CNGA3: variants seen among roughly 807,000 people sequenced by gnomAD.
The protein encoded by CNGA3 is cyclic nucleotide-gated channel alpha-3.
In CNGA3, 42 loss-of-function variants were observed where a neutral mutation model predicts 46.6. That is an observed-to-expected ratio of 0.90 (90% CI 0.70 to 1.17). The LOEUF is 1.17. Ranked by LOEUF, CNGA3 falls within the 50% of genes most tolerant of loss-of-function variation. The probability of loss-of-function intolerance (pLI) is 0.00; values close to 1 mark genes in which losing one functional copy is unlikely to be tolerated. For synonymous variants in CNGA3, 394 were observed against 369.4 expected, an observed-to-expected ratio of 1.07 and a Z score of -0.76; for missense variants, 893 against 890.7, an observed-to-expected ratio of 1.00 and a Z score of -0.03.
At position 98,397,097 on chromosome 2, in the gene CNGA3, A is replaced by G. The variant is rs1490638619; in HGVS notation, c.1927A>G (p.Arg643Gly). 1 of 1,614,190 alleles carries G rather than the reference A, an allele frequency of 6.2e-7. No individual in the cohort carries two copies. ...LGSSLDTLQT[R>G]FARLLAEYNA... ...GTCCTCCCTGGACACCCTGCAGACCAGGTTTGCACGCCTCCTGGCTGAGTA... is the reference window on the plus strand; with the variant it reads ...GTCCTCCCTGGACACCCTGCAGACCGGGTTTGCACGCCTCCTGGCTGAGTA... Residue 643 changes from arginine (R) to glycine (G), a missense_variant, in exon 8 of 8, where the codon AGG becomes GGG. This residue lies in a region of CNGA3 where 548 missense variants were observed against 570.8 expected (regional missense o/e 0.96). Coordinates refer to ENST00000272602, the MANE Select transcript of CNGA3 (RefSeq NM_001298.3).
intron 5 of CNGA3, among the ~76,000 whole-genome samples, chr2:98,385,612 A>G (rs1692637148): frequency 6.6e-6 from 1 of 152,212 alleles, no homozygotes. Context: ...TGTTAAGAGC[A>G]TCTGTTTCCC....
At chr2:98,383,462 C>G (rs758348274) in intron 5 of CNGA3, 21 bp downstream of exon 5, 9 of 1,614,072 alleles carry the variant, frequency 5.6e-6, no homozygotes, top group Non-Finnish European at 7.6e-6. Context: ...ACACACCCAG[C>G]AGAGCCCTCC....
At chr2:98,381,345 C>T (rs3754898) in intron 4 of CNGA3, among the ~76,000 whole-genome samples, 28,242 of 151,876 alleles carry the variant, frequency 0.19, 3,134 homozygotes, top group Admixed American at 0.29. Flanking sequence ...ACAGACAGTC[C>T]CTATATAATT....
rs1029567339 is a variant in CNGA3, at chr2:98,383,333, C to G, written c.396-55C>G. On this transcript the variant is annotated intron_variant, in intron 4 of 7. Transcript: ENST00000272602. ...CATGGTAATCCCCTGGTGAAATGGC[C>G]CCAAGGAATGGAAACAGAGTTCAGA... 4 of 1,551,826 alleles carry G rather than the reference C, an allele frequency of 2.6e-6. No homozygotes were observed. The African/African-American group carries it at 5.4e-5, about 21-fold the overall frequency.
At chr2:98,393,356 A>G (rs980198241) in intron 7 of CNGA3, among the ~76,000 whole-genome samples, 1 of 152,236 alleles carries the variant, frequency 6.6e-6, no homozygotes, top group African/African-American at 2.4e-5. Context: ...CTTCTTCATT[A>G]GAACCACTGC....
intron 5 of CNGA3, among the ~76,000 whole-genome samples, chr2:98,389,050 G>C (rs552129749): frequency 6.6e-6 from 1 of 152,214 alleles, no homozygotes; most frequent in African/African-American, 2.4e-5. Context: ...CATTCCGTGC[G>C]GGCCCACGTG....
intron 3 of CNGA3, among the ~76,000 whole-genome samples, chr2:98,379,204 C>T (rs913823855): frequency 6.6e-6 from 1 of 152,224 alleles, no homozygotes; most frequent in East Asian, 1.9e-4. Flanking sequence ...CATCTGCCTA[C>T]AGAGATATTT....
intron 1 of CNGA3, among the ~76,000 whole-genome samples, chr2:98,360,200 G>A (rs1245601869): frequency 2.0e-5 from 3 of 152,232 alleles, no homozygotes; most frequent in Admixed American, 6.5e-5. Flanking sequence ...GTAAGAGAGG[G>A]AGGGGGGCTG....
chr2:98,390,990 C>CT (rs1468935465), intron 6 of CNGA3, among the ~76,000 whole-genome samples: 8 of 152,202 alleles, frequency 5.3e-5, no homozygotes, highest in Admixed American at 3.3e-4. Flanking sequence ...CAAGTCCTGC[C>CT]TGTCCTTCTG....
intron 6 of CNGA3, among the ~76,000 whole-genome samples, chr2:98,390,930 G>A (rs990988063): frequency 2.0e-5 from 3 of 152,186 alleles, no homozygotes; most frequent in African/African-American, 4.8e-5. Flanking sequence ...GAGAGGAGAC[G>A]ATGCCTCTGG....
intron 4 of CNGA3, among the ~76,000 whole-genome samples, chr2:98,382,306 A>C (rs1466491799): frequency 2.6e-5 from 4 of 152,218 alleles, no homozygotes; most frequent in Admixed American, 6.5e-5. Context: ...GGTTACGGGC[A>C]CAGAGGCATG....
At chr2:98,383,308 C>T (rs1348282261) in intron 4 of CNGA3, 80 bp from the exon 5 acceptor site, 24 of 1,308,394 alleles carry the variant, frequency 1.8e-5, no homozygotes, top group Non-Finnish European at 4.4e-6. Context: ...GGGGGTGGGG[C>T]ATGGTAATCC....
intron 7 of CNGA3, among the ~76,000 whole-genome samples, chr2:98,392,386 C>A (rs1372025212): frequency 6.6e-6 from 1 of 151,936 alleles, no homozygotes; most frequent in Non-Finnish European, 1.5e-5. Flanking sequence ...ATGGTGAAAC[C>A]CCATCTCTAC....
At chr2:98,353,084 C>G (rs1017905847) in intron 1 of CNGA3, among the ~76,000 whole-genome samples, 1 of 152,158 alleles carries the variant, frequency 6.6e-6, no homozygotes, top group African/African-American at 2.4e-5. Flanking sequence ...GTATTACAGG[C>G]TGTATTCTTA....
At chr2:98,346,655 T>C (rs890603349) in intron 1 of CNGA3, 121 bp downstream of exon 1, 1 of 391,726 alleles carries the variant, frequency 2.6e-6, no homozygotes, top group Non-Finnish European at 4.5e-6. Flanking sequence ...GGGATGCTGC[T>C]GCTTCCAGGG....
chr2:98,378,621 T>C (rs1692467822), intron 3 of CNGA3, among the ~76,000 whole-genome samples: 1 of 152,248 alleles, frequency 6.6e-6, no homozygotes, highest in South Asian at 2.1e-4. Context: ...ATTTAACTAG[T>C]CCATTGTAGC....
chr2:98,396,054 C>A lies in CNGA3; in HGVS notation c.884C>A (p.Thr295Asn), dbSNP rs777433824. ...FEFFDRTETR[T>N]NYPNMFRIGN... is the part of the protein sequence containing the mutation. The stretch of plus-strand genomic sequence containing the variant: ...TTCTTTGACCGCACAGAGACAAGGA[C>A]CAACTACCCCAATATGTTCAGGATT... Residue 295 changes from threonine to asparagine, a missense_variant, in exon 8 of 8, where the codon ACC becomes AAC. Transcript: ENST00000272602. 2 of 1,614,066 alleles carry A rather than the reference C, an allele frequency of 1.2e-6. No individual in the cohort carries two copies. Among genetic ancestry groups the A allele is most frequent in the Non-Finnish European group, 1.7e-6 (2 of 1,180,034 alleles).
rs113270427 is a variant in CNGA3 at position 98,398,287 on chromosome 2, C to T, written c.*1032C>T. ...TGCAGAAATTAGCTTTTTTAAAAAA[C>T]AAACCCCAGTAAATATAATTTCATT... On this transcript the variant is annotated 3_prime_UTR_variant, in exon 8 of 8. Transcript: ENST00000272602. The T allele has an allele frequency of 6.6e-6, 1 of 152,162 alleles. No homozygotes were observed. The highest frequency in any genetic ancestry group is 2.4e-5 in the African/African-American group (1 of 41,440). 9.4% of individuals were successfully genotyped at this position (152,162 alleles called of 1,614,324 possible). A position where few individuals can be genotyped will look rare whatever the true frequency, so the allele number is the denominator to read the frequency against.
chr2:98,393,384 G>A (rs1692837323), intron 7 of CNGA3, among the ~76,000 whole-genome samples: 1 of 152,208 alleles, frequency 6.6e-6, no homozygotes, highest in Admixed American at 6.5e-5. Flanking sequence ...AAGAAGCTCA[G>A]GTGTGATTAC....
Sources: allele counts gnomAD v4.1 joint callset (sites outside exome capture counted in the v4.1 genomes callset), GRCh38; gene constraint gnomAD v4.1.1; regional missense constraint gnomAD v4.1.1; transcripts MANE v1.5; gene names NCBI Gene and HGNC (gene_info 2026-07-23, HGNC 2026-07-21).